Variants in BMPR1B observed in about 807,000 individuals in gnomAD.
BMPR1B encodes the protein bone morphogenetic protein receptor type-1B.
A neutral mutation model predicts 59.1 loss-of-function variants in BMPR1B; 12 were observed. The observed-to-expected ratio is 0.20, with a 90% CI of 0.13 to 0.33. The LOEUF (loss-of-function observed/expected upper bound fraction) is 0.33, where lower values mean the gene tolerates loss of function less well. Ranked by LOEUF, BMPR1B falls within the 10% of genes least tolerant of loss-of-function variation. BMPR1B has a pLI of 1.00. For synonymous variants in BMPR1B, 237 were observed against 207.3 expected, an observed-to-expected ratio of 1.14 and a Z score of -1.23; for missense variants, 550 against 610.9, an observed-to-expected ratio of 0.90 and a Z score of 1.05.
chr4:95,050,353 A>G (rs1180087464), intron 3 of BMPR1B, among the ~76,000 whole-genome samples: 1 of 152,194 alleles, frequency 6.6e-6, no homozygotes, highest in Admixed American at 6.5e-5. Context: ...GTAAACTTAG[A>G]GTAGTTTAAG....
rs1722035213 is a variant in BMPR1B, at chr4:94,996,078, G to C, written c.-74G>C. Reference sequence around the variant, plus strand: ...CTGATTCATAACCATTTGGCTCTGAGCTATGACAAGAGAGGAAACAAAAAG... The same window carrying C: ...CTGATTCATAACCATTTGGCTCTGACCTATGACAAGAGAGGAAACAAAAAG... On this transcript the variant is annotated 5_prime_UTR_variant, in exon 3 of 13. Coordinates refer to ENST00000515059, the MANE Select transcript of BMPR1B (RefSeq NM_001203.3). 1 of 152,206 alleles carries C rather than the reference G, an allele frequency of 6.6e-6. No homozygotes were observed. The highest frequency in any genetic ancestry group is 2.4e-5 in the African/African-American group (1 of 41,448). 9.4% of individuals were successfully genotyped at this position (152,206 alleles called of 1,614,324 possible).
chr4:94,838,395 CTT>C (rs1397856453), intron 1 of BMPR1B, among the ~76,000 whole-genome samples: 2 of 115,596 alleles, frequency 1.7e-5, no homozygotes, highest in African/African-American at 7.0e-5. Flanking sequence ...GTCCTGGACT[CTT>C]TTTGGTTGGT....
At chr4:94,817,679 C>T (rs1405657558) in intron 1 of BMPR1B, among the ~76,000 whole-genome samples, 4 of 152,072 alleles carry the variant, frequency 2.6e-5, no homozygotes, top group Admixed American at 6.6e-5. Flanking sequence ...TAAAACTTTT[C>T]CTGCTCCCAT....
At chr4:95,048,086 A>G (rs1305451414) in intron 3 of BMPR1B, among the ~76,000 whole-genome samples, 1 of 152,190 alleles carries the variant, frequency 6.6e-6, no homozygotes, top group African/African-American at 2.4e-5. Flanking sequence ...TAATCTGCTT[A>G]GGATAATGCC....
intron 1 of BMPR1B, among the ~76,000 whole-genome samples, chr4:94,863,064 C>T (rs1041284854): frequency 2.6e-5 from 4 of 151,872 alleles, no homozygotes; most frequent in Admixed American, 2.0e-4. Flanking sequence ...TGCAGTGAGC[C>T]GAGATCGCGC....
chr4:94,866,087 A>C (rs2148962279), intron 1 of BMPR1B, among the ~76,000 whole-genome samples: 1 of 152,316 alleles, frequency 6.6e-6, no homozygotes, highest in East Asian at 1.9e-4. Context: ...CTATAAATTC[A>C]TAGTCCCTAG....
At chr4:95,138,012 T>C (rs1254736731) in intron 10 of BMPR1B, among the ~76,000 whole-genome samples, 2 of 152,238 alleles carry the variant, frequency 1.3e-5, no homozygotes, top group Non-Finnish European at 2.9e-5. Flanking sequence ...CGATGGTCTT[T>C]ACAATTTGGC....
At chr4:95,042,084 C>T (rs1196297636) in intron 3 of BMPR1B, among the ~76,000 whole-genome samples, 2 of 152,102 alleles carry the variant, frequency 1.3e-5, no homozygotes, top group Non-Finnish European at 2.9e-5. Flanking sequence ...TCTCGATCTC[C>T]TGACCTCGTG....
At chr4:95,051,987 A>G (rs1726541472) in intron 3 of BMPR1B, among the ~76,000 whole-genome samples, 1 of 152,232 alleles carries the variant, frequency 6.6e-6, no homozygotes, top group Admixed American at 6.5e-5. Context: ...GAGACTTAAC[A>G]TTTCTATTTT....
chr4:95,054,169 C>G (rs758576577), intron 3 of BMPR1B, among the ~76,000 whole-genome samples: 13 of 152,160 alleles, frequency 8.5e-5, no homozygotes, highest in African/African-American at 3.1e-4. Context: ...ATATGGAAAC[C>G]TAAAAGATTT....
intron 2 of BMPR1B, among the ~76,000 whole-genome samples, chr4:94,884,908 G>A (rs142352311): frequency 6.6e-6 from 1 of 152,292 alleles, no homozygotes; most frequent in East Asian, 1.9e-4. Context: ...CCAATTCCCA[G>A]CCTGGGCCTT....
chr4:94,765,440 G>A (rs1421299162), intron 1 of BMPR1B, among the ~76,000 whole-genome samples: 2 of 152,072 alleles, frequency 1.3e-5, no homozygotes, highest in Non-Finnish European at 2.9e-5. Flanking sequence ...CTCCCTGCTC[G>A]TTATATTTCG....
At chr4:95,026,211 T>C (rs1724408793) in intron 3 of BMPR1B, among the ~76,000 whole-genome samples, 1 of 151,316 alleles carries the variant, frequency 6.6e-6, no homozygotes, top group South Asian at 2.1e-4. Flanking sequence ...ATGTGGAGAC[T>C]TATTATCTGA....
At chr4:94,788,866 C>T (rs1407736477) in intron 1 of BMPR1B, among the ~76,000 whole-genome samples, 1 of 152,176 alleles carries the variant, frequency 6.6e-6, no homozygotes, top group Non-Finnish European at 1.5e-5. Context: ...TGCTCTTCTT[C>T]CTCTTCGGCA....
intron 10 of BMPR1B, among the ~76,000 whole-genome samples, chr4:95,138,931 C>T (rs1734008024): frequency 6.6e-6 from 1 of 152,210 alleles, no homozygotes; most frequent in Non-Finnish European, 1.5e-5. Flanking sequence ...AAGTCATTCT[C>T]CGTGCAGCTT....
At chr4:95,041,306 C>G (rs1289018721) in intron 3 of BMPR1B, among the ~76,000 whole-genome samples, 1 of 152,046 alleles carries the variant, frequency 6.6e-6, no homozygotes, top group African/African-American at 2.4e-5. Flanking sequence ...ACTTCGGCCT[C>G]CCAAAGTGCT....
intron 2 of BMPR1B, among the ~76,000 whole-genome samples, chr4:94,934,086 G>A (rs1428162371): frequency 6.6e-6 from 1 of 152,126 alleles, no homozygotes; most frequent in African/African-American, 2.4e-5. Context: ...ATGTGCATGA[G>A]TGCACATGTG....
At chr4:95,067,063 T>C (rs1727865634) in intron 3 of BMPR1B, among the ~76,000 whole-genome samples, 1 of 152,218 alleles carries the variant, frequency 6.6e-6, no homozygotes, top group East Asian at 1.9e-4. Flanking sequence ...TGGTTTCTTA[T>C]TTCTTTTAAT....
At chr4:94,792,853 A>G (rs575892556) in intron 1 of BMPR1B, among the ~76,000 whole-genome samples, 1 of 152,282 alleles carries the variant, frequency 6.6e-6, no homozygotes, top group African/African-American at 2.4e-5. Context: ...AGATATACAA[A>G]AGTTACCTGA....
Sources: allele counts gnomAD v4.1 joint callset (sites outside exome capture counted in the v4.1 genomes callset), GRCh38; gene constraint gnomAD v4.1.1; transcripts MANE v1.5; gene names NCBI Gene and HGNC (gene_info 2026-07-23, HGNC 2026-07-21).